The following CAMK1D variants were observed in gnomAD, a reference collection of about 807,000 sequenced individuals.
CAMK1D encodes the protein calcium/calmodulin-dependent protein kinase type 1D.
Under a neutral mutation model 47.7 loss-of-function variants are expected in CAMK1D, and 9 were observed. That is an observed-to-expected ratio of 0.19 (90% CI 0.11 to 0.33). CAMK1D has a LOEUF of 0.33. CAMK1D is among the 10% of genes least tolerant of loss of function. The probability of loss-of-function intolerance (pLI) is 1.00; values close to 1 mark genes in which losing one functional copy is unlikely to be tolerated. For missense variants in CAMK1D, 291 were observed against 488.7 expected, an observed-to-expected ratio of 0.60 and a Z score of 3.81; for synonymous variants, 184 against 184.9, an observed-to-expected ratio of 0.99 and a Z score of 0.04.
rs79580686 is a variant in CAMK1D, at chr10:12,756,046, C to T, written c.300-4902C>T. Among the ~76,000 whole-genome samples the T allele has an allele frequency of 2.6e-3, 394 of 152,256 alleles. 5 individuals carry two copies. The East Asian group carries it at 0.037, about 14-fold the overall frequency. On this transcript the variant is annotated intron_variant, in intron 3 of 10. Coordinates refer to ENST00000619168, the MANE Select transcript of CAMK1D (RefSeq NM_153498.4). ...AGGTGAATTTCAAATATTTGCTGTGCCACTACTTTTTATTACCCTAGCATC... is the reference window on the plus strand; with the variant it reads ...AGGTGAATTTCAAATATTTGCTGTGTCACTACTTTTTATTACCCTAGCATC...
chr10:12,411,744 A>G (rs917372186), intron 1 of CAMK1D, among the ~76,000 whole-genome samples: 3 of 151,782 alleles, frequency 2.0e-5, no homozygotes, highest in Non-Finnish European at 4.4e-5. Context: ...GATTACAGGC[A>G]CCCACCACCA....
At chr10:12,412,345 C>T (rs548383456) in intron 1 of CAMK1D, among the ~76,000 whole-genome samples, 1 of 151,104 alleles carries the variant, frequency 6.6e-6, no homozygotes, top group South Asian at 2.1e-4. Flanking sequence ...TGCGGTGGCT[C>T]ATGCCTGTAA....
chr10:12,578,547 G>GC (rs1476096701), intron 2 of CAMK1D, among the ~76,000 whole-genome samples: 1 of 139,040 alleles, frequency 7.2e-6, no homozygotes, highest in Admixed American at 7.4e-5. Context: ...TCCAGCCTGG[G>GC]CAACAAGAGC....
intron 6 of CAMK1D, among the ~76,000 whole-genome samples, chr10:12,794,851 A>G (rs79135104): frequency 0.033 from 5,069 of 152,282 alleles, 285 homozygotes; most frequent in African/African-American, 0.12. Flanking sequence ...ATATAACACG[A>G]CTGCACTTGG....
intron 2 of CAMK1D, among the ~76,000 whole-genome samples, chr10:12,573,095 A>T (rs1156303832): frequency 6.6e-6 from 1 of 152,248 alleles, no homozygotes; most frequent in Non-Finnish European, 1.5e-5. Flanking sequence ...AAGGCAAGAC[A>T]TGGTGCTGTT....
chr10:12,696,305 G>A (rs1432801449), intron 3 of CAMK1D, among the ~76,000 whole-genome samples: 2 of 152,074 alleles, frequency 1.3e-5, no homozygotes, highest in African/African-American at 2.4e-5. Context: ...GAGAGGCCGA[G>A]GTGGGAGGAT....
chr10:12,805,042 C>G (rs890843212), intron 6 of CAMK1D, among the ~76,000 whole-genome samples: 2 of 151,390 alleles, frequency 1.3e-5, no homozygotes, highest in Non-Finnish European at 2.9e-5. Flanking sequence ...AGGCGGATCA[C>G]GAGGTCAGAA....
At chr10:12,788,876 G>C (rs1208088833) in intron 5 of CAMK1D, among the ~76,000 whole-genome samples, 1 of 152,226 alleles carries the variant, frequency 6.6e-6, no homozygotes, top group African/African-American at 2.4e-5. Flanking sequence ...ACATGGTGAA[G>C]AAAGGATGTG....
Position 12,828,861 on chromosome 10 carries a change from A to T in CAMK1D, c.1132A>T (p.Thr378Ser). 6.2e-7 allele frequency: 1 copy of T among 1,612,960 alleles called. No homozygotes were observed. The highest frequency in any genetic ancestry group is 8.5e-7 in the Non-Finnish European group (1 of 1,179,648). The change falls in exon 11 of 11, where the codon ACG becomes TCG. Residue 378 changes from threonine to serine, a missense_variant. Thr to Ser is a moderately conservative substitution (Grantham distance 58). Around this residue, in one of 2 missense-constraint regions of CAMK1D, gnomAD observed 72 missense variants for 64.4 expected, o/e 1.12. Coordinates refer to ENST00000619168, the MANE Select transcript of CAMK1D (RefSeq NM_153498.4). Reference sequence around the variant, plus strand: ...GCGGAGACCCAGGCCCACCACTGTGACGGCAGTGCACTCTGGAAGCAAGTG... The same window carrying T: ...GCGGAGACCCAGGCCCACCACTGTGTCGGCAGTGCACTCTGGAAGCAAGTG... ...AERRPRPTTV[T>S]AVHSGSK
chr10:12,545,201 G>A (rs1411302037), intron 1 of CAMK1D, among the ~76,000 whole-genome samples: 5 of 5,634 alleles, frequency 8.9e-4, no homozygotes, highest in Admixed American at 4.1e-3. Context: ...ATCATTCTGC[G>A]TAGGTGAGAA....
chr10:12,769,487 C>T (rs1836934113), intron 4 of CAMK1D, among the ~76,000 whole-genome samples, 186 bp from the exon 5 acceptor site: 1 of 152,148 alleles, frequency 6.6e-6, no homozygotes, highest in African/African-American at 2.4e-5. Flanking sequence ...CCTGTGTGTG[C>T]CAGACACACT....
At chr10:12,734,720 C>T (rs1835103599) in intron 3 of CAMK1D, among the ~76,000 whole-genome samples, 1 of 151,958 alleles carries the variant, frequency 6.6e-6, no homozygotes, top group South Asian at 2.1e-4. Context: ...CCTCTCCCTA[C>T]TCCTCATCTT....
chr10:12,767,387 G>C (rs1836816740), intron 4 of CAMK1D, among the ~76,000 whole-genome samples: 1 of 152,046 alleles, frequency 6.6e-6, no homozygotes, highest in Admixed American at 6.6e-5. Flanking sequence ...ATGTTGGTCA[G>C]GCTGGTCTTG....
intron 1 of CAMK1D, among the ~76,000 whole-genome samples, chr10:12,410,693 T>C (rs919020442): frequency 2.0e-5 from 3 of 152,138 alleles, no homozygotes; most frequent in Non-Finnish European, 2.9e-5. Flanking sequence ...ACAACAGATA[T>C]TAGTTCTTTG....
chr10:12,447,456 C>A (rs1832955552), intron 1 of CAMK1D, among the ~76,000 whole-genome samples: 2 of 152,162 alleles, frequency 1.3e-5, no homozygotes, highest in African/African-American at 4.8e-5. Flanking sequence ...AATCCCAACA[C>A]TTTGGGAAGC....
At chr10:12,579,842 G>T (rs894319983) in intron 2 of CAMK1D, among the ~76,000 whole-genome samples, 1 of 152,096 alleles carries the variant, frequency 6.6e-6, no homozygotes, top group East Asian at 1.9e-4. Context: ...CTCTTCTCTG[G>T]ATCTGTCTCC....
intron 7 of CAMK1D, 101 bp from the exon 8 acceptor site, chr10:12,816,149 T>G: frequency 1.1e-6 from 1 of 875,562 alleles, no homozygotes. Flanking sequence ...GGTCTCATAT[T>G]TTTCATGCTA....
chr10:12,576,218 G>A, intron 2 of CAMK1D, among the ~76,000 whole-genome samples: 1 of 152,064 alleles, frequency 6.6e-6, no homozygotes, highest in East Asian at 1.9e-4. Flanking sequence ...TGAGTGCAGT[G>A]GTATCTCTGT....
At chr10:12,497,959 G>A (rs1047359551) in intron 1 of CAMK1D, among the ~76,000 whole-genome samples, 1 of 152,202 alleles carries the variant, frequency 6.6e-6, no homozygotes, top group Non-Finnish European at 1.5e-5. Context: ...AATGGGGAGT[G>A]AAGGCACATC....
Sources: allele counts gnomAD v4.1 joint callset (sites outside exome capture counted in the v4.1 genomes callset), GRCh38; gene constraint gnomAD v4.1.1; regional missense constraint gnomAD v4.1.1; transcripts MANE v1.5; gene names NCBI Gene and HGNC (gene_info 2026-07-23, HGNC 2026-07-21).